ADAMTS9: variants seen among roughly 807,000 people sequenced by gnomAD.
The protein encoded by ADAMTS9 is ADAM metallopeptidase with thrombospondin type 1 motif 9.
ADAMTS9 carries 107 observed loss-of-function variants against 257.1 expected under a neutral mutation model. The ratio of observed to expected loss-of-function variants is 0.42; its 90% CI spans 0.36 to 0.49. ADAMTS9 has a LOEUF of 0.49. Among genes scored for constraint, ADAMTS9 ranks in the 20% least tolerant of loss-of-function variants. The pLI, the probability that ADAMTS9 is intolerant of heterozygous loss-of-function variation, is 0.03. For synonymous variants in ADAMTS9, 982 were observed against 880.9 expected (o/e 1.11, Z -2.03); for missense variants, 2,353 against 2,469.1 (o/e 0.95, Z 1.00).
rs1208331344 is a variant in ADAMTS9, at chr3:64,516,118, A to T, written c.*1009T>A. On this transcript the variant is annotated 3_prime_UTR_variant, in exon 40 of 40. Transcript: ENST00000498707. ...TTTCATGCAAAAGGCAATCGTGATG[A>T]TTCAGAACCTGGTTCTGAATTTCTC... is the stretch of plus-strand genomic sequence containing the variant. The T allele has an allele frequency of 6.6e-6, 1 of 152,168 alleles. No individual in the cohort carries two copies. Among genetic ancestry groups the T allele is most frequent in the Non-Finnish European group, 1.5e-5 (1 of 68,018 alleles). The allele number at this position is 152,168 out of a possible 1,614,324, so 9.4% of individuals were successfully genotyped here. A position where few individuals can be genotyped will look rare whatever the true frequency, so the allele number is the denominator to read the frequency against.
intron 11 of ADAMTS9, 88 bp downstream of exon 11, chr3:64,647,852 A>G: frequency 8.8e-7 from 1 of 1,142,160 alleles, no homozygotes; most frequent in Non-Finnish European, 1.3e-6. Flanking sequence ...GCATTGTCTT[A>G]TATTCTAAAC....
intron 18 of ADAMTS9, 137 bp downstream of exon 18, chr3:64,622,061 C>T (rs1700121507): frequency 2.2e-6 from 2 of 917,954 alleles, no homozygotes; most frequent in Non-Finnish European, 3.0e-6. Flanking sequence ...TGACCAGACA[C>T]ATTCAAAGAA....
At position 64,551,033 on chromosome 3, in the gene ADAMTS9, C is replaced by CCG; in HGVS notation, c.4727_4728insCG (p.Arg1576SerfsTer23). The CCG allele has an allele frequency of 6.2e-7, 1 of 1,614,192 alleles. No individual in the cohort carries two copies. On this transcript the variant is annotated frameshift_variant, in exon 31 of 40. Coordinates refer to ENST00000498707, the MANE Select transcript of ADAMTS9 (RefSeq NM_182920.2). LOFTEE classifies it high-confidence loss of function. ...CATCCACACACACCACCTTGCGGTACCTGGAGCCTTCGCCGCAGGTCTTGG... is the reference window on the plus strand; with the variant it reads ...CATCCACACACACCACCTTGCGGTACCGCTGGAGCCTTCGCCGCAGGTCTTGG...
In ADAMTS9 at chr3:64,621,033, C is replaced by T. The variant is rs574649714; in HGVS notation, c.2813+81G>A. On this transcript the variant is annotated intron_variant, in intron 19 of 39. Transcript: ENST00000498707. ...AAGGGGAACTAAAGACCAGCATCCC[C>T]TCCTTTTGCTTCTCCTGCTGGGACC... is the stretch of plus-strand genomic sequence containing the variant. The T allele has an allele frequency of 2.9e-3, 4,304 of 1,506,140 alleles. 7 individuals are homozygous for T. Among genetic ancestry groups the T allele is most frequent in the Non-Finnish European group, 3.4e-3 (3,815 of 1,119,644 alleles). 93.3% of individuals were successfully genotyped at this position (1,506,140 alleles called of 1,614,324 possible). A position where few individuals can be genotyped will look rare whatever the true frequency, so the allele number is the denominator to read the frequency against.
At chr3:64,634,541 G>A (rs1022855535) in intron 12 of ADAMTS9, among the ~76,000 whole-genome samples, 1 of 152,338 alleles carries the variant, frequency 6.6e-6, no homozygotes. Flanking sequence ...TATGGCATAC[G>A]CCTTGCAAAG....
chr3:64,540,409 C>T (rs908105402), intron 36 of ADAMTS9, among the ~76,000 whole-genome samples: 1 of 152,080 alleles, frequency 6.6e-6, no homozygotes, highest in African/African-American at 2.4e-5. Flanking sequence ...GATTAATGTC[C>T]CCAACAGAGA....
At chr3:64,668,429 G>A (rs962661450) in intron 3 of ADAMTS9, among the ~76,000 whole-genome samples, 7 of 152,126 alleles carry the variant, frequency 4.6e-5, no homozygotes, top group African/African-American at 9.7e-5. Context: ...AGCGTATTAC[G>A]GGAGATAAGA....
At chr3:64,605,831 ATTT>A (rs1301872539) in intron 23 of ADAMTS9, among the ~76,000 whole-genome samples, 3 of 152,136 alleles carry the variant, frequency 2.0e-5, no homozygotes, top group African/African-American at 7.2e-5. Flanking sequence ...ATATATGCTT[ATTT>A]ATTATAAATT....
intron 37 of ADAMTS9, among the ~76,000 whole-genome samples, chr3:64,538,130 G>A (rs567556039): frequency 2.0e-4 from 31 of 152,268 alleles, no homozygotes; most frequent in Non-Finnish European, 3.7e-4. Flanking sequence ...CCACAGAGCC[G>A]CAAGCCTTGG....
intron 19 of ADAMTS9, among the ~76,000 whole-genome samples, chr3:64,619,045 C>T (rs1411381883): frequency 6.6e-6 from 1 of 152,142 alleles, no homozygotes; most frequent in South Asian, 2.1e-4. Flanking sequence ...TATCTCCACC[C>T]TCAAATTGGT....
At position 64,681,071 on chromosome 3, in the gene ADAMTS9, A is replaced by G. The variant is rs1701742457; in HGVS notation, c.679+130T>C. ...ACAGTGGGGTATGTATCCCTACATC[A>G]TTTGAGGACTGAATAAACAATAATG... On this transcript the variant is annotated intron_variant, in intron 3 of 39. Transcript: ENST00000498707. The G allele has an allele frequency of 2.8e-6, 3 of 1,074,268 alleles. No individual in the cohort carries two copies. The Admixed American group carries it at 8.6e-5, about 31-fold the overall frequency. The allele number at this position is 1,074,268 out of a possible 1,614,324, so 66.5% of individuals were successfully genotyped here.
In ADAMTS9 at chr3:64,668,157, C is replaced by T. The variant is rs907334992; in HGVS notation, c.680-9366G>A. Among the ~76,000 whole-genome samples, 12 of 152,248 alleles carry T rather than the reference C, an allele frequency of 7.9e-5. No homozygotes were observed. In the East Asian group the frequency reaches 9.7e-4, roughly 12 times the overall value. On this transcript the variant is annotated intron_variant, in intron 3 of 39. Transcript: ENST00000498707. ...CTGCCTCTCAGGCTGCTTTGTGCCACGGCTTGGCATCTCCCAAGCTTGCAC... is the reference window on the plus strand; with the variant it reads ...CTGCCTCTCAGGCTGCTTTGTGCCATGGCTTGGCATCTCCCAAGCTTGCAC...
At chr3:64,520,947 A>C (rs2082843984) in intron 39 of ADAMTS9, among the ~76,000 whole-genome samples, 1 of 152,108 alleles carries the variant, frequency 6.6e-6, no homozygotes, top group Non-Finnish European at 1.5e-5. Context: ...TTGATAATGG[A>C]GACCTAACTA....
chr3:64,587,275 T>C (rs1360735377), intron 28 of ADAMTS9: 1 of 152,214 alleles, frequency 6.6e-6, no homozygotes, highest in Non-Finnish European at 1.5e-5. Flanking sequence ...AATCACCAGA[T>C]GCATGGGCAT....
rs1318352308 is a variant in ADAMTS9, at chr3:64,686,468, C to A, written c.516+100G>T. 2 of 1,415,572 alleles carry A rather than the reference C, an allele frequency of 1.4e-6. No individual in the cohort carries two copies. The highest frequency in any genetic ancestry group is 1.9e-6 in the Non-Finnish European group (2 of 1,065,866). The allele number at this position is 1,415,572 out of a possible 1,614,324, so 87.7% of individuals were successfully genotyped here. ...TATTTAACGCCGGAGAGGAGCGGAG[C>A]CTCGCCACAGTGAGGGTCTCTAGGC... On this transcript the variant is annotated intron_variant, in intron 2 of 39. Transcript: ENST00000498707. This position sits in a 1 kb window ranked among gnomAD's most constrained non-coding sequence, Gnocchi z 4.6.
chr3:64,668,687 T>C (rs898412334), intron 3 of ADAMTS9, among the ~76,000 whole-genome samples: 2 of 152,166 alleles, frequency 1.3e-5, no homozygotes, highest in Non-Finnish European at 2.9e-5. Context: ...TGACTCTCAT[T>C]ACTTAGAATG....
At chr3:64,596,114 A>C (rs989449821) in intron 27 of ADAMTS9, among the ~76,000 whole-genome samples, 4 of 152,228 alleles carry the variant, frequency 2.6e-5, no homozygotes, top group African/African-American at 9.6e-5. Context: ...ACCTCATATC[A>C]TGGTCATAAA....
At chr3:64,519,673 CACAA>C (rs1370598224) in intron 39 of ADAMTS9, among the ~76,000 whole-genome samples, 4 of 152,058 alleles carry the variant, frequency 2.6e-5, no homozygotes, top group Non-Finnish European at 5.9e-5. Flanking sequence ...TGATTCACCA[CACAA>C]ACAATTAAAA....
rs757041726 is a variant in ADAMTS9 at position 64,622,292 on chromosome 3, T to C, written c.2592A>G (p.Val864=). ...CAATTGGAATATTGAAAGAATAGCGTACATCGGGGTTGTACAACTTTCCCA... is the reference window on the plus strand; with the variant it reads ...CAATTGGAATATTGAAAGAATAGCGCACATCGGGGTTGTACAACTTTCCCA... ...LSVGKLYNPD[V]RYSFNIPIED... is the part of the protein sequence containing the mutation. Residue 864 remains valine, a synonymous_variant, in exon 18 of 40, where the codon GTA becomes GTG. Coordinates refer to ENST00000498707, the MANE Select transcript of ADAMTS9 (RefSeq NM_182920.2). 26 of 1,613,788 alleles carry C rather than the reference T, an allele frequency of 1.6e-5. No individual in the cohort carries two copies. Among genetic ancestry groups the C allele is most frequent in the Non-Finnish European group, 2.2e-5 (26 of 1,179,964 alleles).
Sources: allele counts gnomAD v4.1 joint callset (sites outside exome capture counted in the v4.1 genomes callset), GRCh38; gene constraint gnomAD v4.1.1; non-coding constraint Gnocchi (gnomAD v3.1); transcripts MANE v1.5; gene names NCBI Gene and HGNC (gene_info 2026-07-23, HGNC 2026-07-21).